The following XNDC1N variants were observed in gnomAD, a reference collection of about 807,000 sequenced individuals.
XNDC1N encodes the protein XRCC1 N-terminal domain containing 1, N-terminal like.
the XNDC1N span, among the ~76,000 whole-genome samples, chr11:71,866,627 G>A: frequency 2.0e-5 from 3 of 152,122 alleles, no homozygotes; most frequent in East Asian, 3.9e-4. Flanking sequence ...AGCCAGGCAT[G>A]GTGGTGGGTG....
At chr11:71,884,438 T>C in the XNDC1N span, 1 of 1,603,746 alleles carries the variant, frequency 6.2e-7, no homozygotes, top group Non-Finnish European at 8.5e-7. Flanking sequence ...ATGAATGTCC[T>C]TCAGAATATT....
the XNDC1N span, among the ~76,000 whole-genome samples, chr11:71,896,061 T>G: frequency 6.6e-6 from 1 of 152,204 alleles, no homozygotes; most frequent in Non-Finnish European, 1.5e-5. Context: ...ACAGATCACT[T>G]GAGTCCAGGA....
chr11:71,908,859 G>A, the XNDC1N span, among the ~76,000 whole-genome samples: 4 of 152,260 alleles, frequency 2.6e-5, no homozygotes, highest in East Asian at 1.9e-4. Context: ...GTATGGAAGG[G>A]CCCAGTTGCC....
the XNDC1N span, among the ~76,000 whole-genome samples, chr11:71,912,200 G>A: frequency 2.9e-3 from 443 of 152,306 alleles, 5 homozygotes; most frequent in Admixed American, 5.4e-3. Context: ...CGTTCCGCCC[G>A]GCATACGAGC....
chr11:71,883,508 T>C, the XNDC1N span, among the ~76,000 whole-genome samples: 1 of 152,128 alleles, frequency 6.6e-6, no homozygotes, highest in East Asian at 1.9e-4. Flanking sequence ...GTTTCTTCAA[T>C]ACGTGGTACT....
chr11:71,918,108 C>T, the XNDC1N span, among the ~76,000 whole-genome samples: 13 of 152,122 alleles, frequency 8.5e-5, no homozygotes, highest in African/African-American at 2.4e-4. Flanking sequence ...CTCTCTGTCC[C>T]GACAAAACTG....
At chr11:71,918,994 G>C in the XNDC1N span, 1 of 703,004 alleles carries the variant, frequency 1.4e-6, no homozygotes, top group Non-Finnish European at 2.6e-6. Flanking sequence ...GACTATCTGG[G>C]TTTAGCAAGT....
the XNDC1N span, among the ~76,000 whole-genome samples, chr11:71,892,219 G>T: frequency 6.6e-6 from 1 of 151,880 alleles, no homozygotes; most frequent in Non-Finnish European, 1.5e-5. Context: ...ACTCACTGTG[G>T]TATTAGGAGT....
At chr11:71,889,576 G>T in the XNDC1N span, among the ~76,000 whole-genome samples, 495 of 152,328 alleles carry the variant, frequency 3.2e-3, 4 homozygotes, top group East Asian at 0.041. Context: ...AGCTGCAGTT[G>T]TACTGGCTGT....
the XNDC1N span, among the ~76,000 whole-genome samples, chr11:71,908,370 AT>A: frequency 9.2e-5 from 14 of 151,972 alleles, no homozygotes; most frequent in Non-Finnish European, 2.1e-4. Flanking sequence ...AGTATTTAAT[AT>A]TAATTATTAT....
At chr11:71,907,275 C>T in the XNDC1N span, among the ~76,000 whole-genome samples, 1 of 152,130 alleles carries the variant, frequency 6.6e-6, no homozygotes, top group Non-Finnish European at 1.5e-5. Context: ...GTAGAGAAAA[C>T]ATAATACGAG....
chr11:71,895,581 C>G, the XNDC1N span, among the ~76,000 whole-genome samples: 2 of 152,112 alleles, frequency 1.3e-5, no homozygotes, highest in Non-Finnish European at 2.9e-5. Context: ...CCCGCTTCCG[C>G]CCCCCAAACT....
At chr11:71,874,841 A>G in the XNDC1N span, among the ~76,000 whole-genome samples, 1 of 152,152 alleles carries the variant, frequency 6.6e-6, no homozygotes, top group Admixed American at 6.5e-5. Context: ...CTTATTTTCT[A>G]TCTTTTTCTC....
chr11:71,888,799 C>T, the XNDC1N span, among the ~76,000 whole-genome samples: 4,271 of 152,294 alleles, frequency 0.028, 71 homozygotes, highest in East Asian at 0.08. Flanking sequence ...CCACACTCAC[C>T]GACTACCAGA....
chr11:71,887,907 G>A, the XNDC1N span, among the ~76,000 whole-genome samples: 1 of 152,010 alleles, frequency 6.6e-6, no homozygotes. Context: ...GCCCCTGAGA[G>A]GCAGAAGCTG....
the XNDC1N span, among the ~76,000 whole-genome samples, chr11:71,887,529 G>T: frequency 6.6e-6 from 1 of 151,586 alleles, no homozygotes; most frequent in Non-Finnish European, 1.5e-5. Context: ...CTAAGCGGTG[G>T]CCAAGAGTAT....
At chr11:71,912,582 G>T in the XNDC1N span, among the ~76,000 whole-genome samples, 3 of 152,054 alleles carry the variant, frequency 2.0e-5, no homozygotes, top group Non-Finnish European at 4.4e-5. Flanking sequence ...CCTGGATATT[G>T]GGCACAAAAA....
the XNDC1N span, among the ~76,000 whole-genome samples, chr11:71,919,574 G>A: frequency 6.8e-6 from 1 of 146,272 alleles, no homozygotes; most frequent in African/African-American, 2.5e-5. Context: ...ATTTTTAGTA[G>A]AGACGGGGTT....
chr11:71,887,807 A>C, the XNDC1N span, among the ~76,000 whole-genome samples: 1 of 152,196 alleles, frequency 6.6e-6, no homozygotes, highest in African/African-American at 2.4e-5. Context: ...AACAGTACCT[A>C]ACCCGTCCAC....
Sources: allele counts gnomAD v4.1 joint callset (sites outside exome capture counted in the v4.1 genomes callset), GRCh38; gene constraint gnomAD v4.1.1; transcripts MANE v1.5; gene names NCBI Gene and HGNC (gene_info 2026-07-23, HGNC 2026-07-21).